Variants in COPB2 observed in about 807,000 individuals in gnomAD.
COPB2 encodes the protein coatomer subunit beta'.
A neutral mutation model predicts 120.8 loss-of-function variants in COPB2; 16 were observed. That is an observed-to-expected ratio of 0.13 (90% CI 0.09 to 0.20). The LOEUF (loss-of-function observed/expected upper bound fraction) is 0.20, where lower values mean the gene tolerates loss of function less well. COPB2 is among the 10% of genes least tolerant of loss of function. The pLI, the probability that COPB2 is intolerant of heterozygous loss-of-function variation, is 1.00. For missense variants in COPB2, 794 were observed against 1,076.5 expected, an observed-to-expected ratio of 0.74 and a Z score of 3.67; for synonymous variants, 332 against 366.3, an observed-to-expected ratio of 0.91 and a Z score of 1.07.
chr3:139,375,380 G>A (rs970268192), intron 6 of COPB2, 88 bp downstream of exon 6: 1 of 1,372,820 alleles, frequency 7.3e-7, no homozygotes, highest in Non-Finnish European at 9.8e-7. Flanking sequence ...GCTGTGAACA[G>A]TTTTCAACAA....
At chr3:139,383,779 T>C (rs1011455546) in intron 1 of COPB2, among the ~76,000 whole-genome samples, 2 of 147,516 alleles carry the variant, frequency 1.4e-5, no homozygotes, top group Non-Finnish European at 1.5e-5. Flanking sequence ...AACTTTAAAA[T>C]ATTTATATAT....
chr3:139,371,308 A>C (rs1170092004), intron 10 of COPB2, among the ~76,000 whole-genome samples: 2 of 152,236 alleles, frequency 1.3e-5, no homozygotes, highest in African/African-American at 4.8e-5. Context: ...AAAATGATCA[A>C]ACCACAACAT....
At chr3:139,388,571 C>G (rs1560023983) in intron 1 of COPB2, among the ~76,000 whole-genome samples, 1 of 150,712 alleles carries the variant, frequency 6.6e-6, no homozygotes, top group Non-Finnish European at 1.5e-5. Flanking sequence ...AGATGAGGGA[C>G]TTAATCCCTA....
intron 10 of COPB2, among the ~76,000 whole-genome samples, chr3:139,371,084 A>T (rs1010357312): frequency 3.9e-5 from 6 of 152,236 alleles, no homozygotes; most frequent in African/African-American, 1.4e-4. Flanking sequence ...GTCTGAAAAC[A>T]CTAAACCCCT....
At chr3:139,370,571 A>G (rs1941605917) in intron 10 of COPB2, among the ~76,000 whole-genome samples, 1 of 152,016 alleles carries the variant, frequency 6.6e-6, no homozygotes, top group African/African-American at 2.4e-5. Flanking sequence ...GGCGATTTAA[A>G]TAATAAAAAC....
At chr3:139,366,895 A>G in intron 14 of COPB2, 120 bp from the exon 15 acceptor site, 2 of 1,475,006 alleles carry the variant, frequency 1.4e-6, no homozygotes, top group Admixed American at 1.9e-5. Context: ...CTGGTTAACA[A>G]TAGGCAACCT....
rs6770021 is a variant in COPB2 at position 139,386,164 on chromosome 3, A to C, written c.4-2729T>G. On this transcript the variant is annotated intron_variant, in intron 1 of 21. Transcript: ENST00000333188. ...TTTTCAGCAACAACCTTTACCTCTT[A>C]CTTTAAAAGATCAGAGTTCTCTGGC... 3.3e-3 allele frequency among the ~76,000 whole-genome samples: 497 copies of C among 152,048 alleles called. 3 individuals are homozygous for C. Among genetic ancestry groups the C allele is most frequent in the African/African-American group, 0.012 (482 of 41,482 alleles).
At position 139,373,807 on chromosome 3, in the gene COPB2, T is replaced by C. The variant is rs1941667317; in HGVS notation, c.753A>G (p.Gly251=). The C allele has an allele frequency of 6.2e-7, 1 of 1,613,776 alleles. No individual in the cohort carries two copies. The highest frequency in any genetic ancestry group is 1.3e-5 in the African/African-American group (1 of 74,886). Residue 251 remains glycine (G), a splice_region_variant and synonymous_variant, in exon 8 of 22, where the codon GGA becomes GGG. Coordinates refer to ENST00000333188, the MANE Select transcript of COPB2 (RefSeq NM_004766.3). ...TGCTTGAATGCCAAATACGTACTGT[T>C]CCTAAAAAGAACAATGTAAATACTC... ...LPIIITGSED[G]TVRIWHSSTY...
Position 139,367,006 on chromosome 3 carries a change from C to G in COPB2, c.1676+9G>C. On this transcript the variant is annotated intron_variant, in intron 14 of 21. Transcript: ENST00000333188. ...AATTTAGGACAAATGCAAAATGATACTCAGGTACCTGTCCAAGTGGGCAAT... is the reference window on the plus strand; with the variant it reads ...AATTTAGGACAAATGCAAAATGATAGTCAGGTACCTGTCCAAGTGGGCAAT... 6.2e-7 allele frequency: 1 copy of G among 1,602,970 alleles called. No homozygotes were observed. Among genetic ancestry groups the G allele is most frequent in the Non-Finnish European group, 8.5e-7 (1 of 1,176,218 alleles).
At chr3:139,371,133 ACCAGAG>A (rs1301974888) in intron 10 of COPB2, among the ~76,000 whole-genome samples, 6 of 152,310 alleles carry the variant, frequency 3.9e-5, no homozygotes, top group Non-Finnish European at 8.8e-5. Context: ...TCAAAAAGGA[ACCAGAG>A]CCAATGACTA....
At chr3:139,388,211 C>G (rs901042251) in intron 1 of COPB2, 1 of 152,100 alleles carries the variant, frequency 6.6e-6, no homozygotes, top group African/African-American at 2.4e-5. Flanking sequence ...ACGAAGTGCT[C>G]TAATTAAGAG....
At chr3:139,374,290 AATGATGACGATG>A (rs1415019936) in intron 7 of COPB2, 187 bp downstream of exon 7, 2 of 529,688 alleles carry the variant, frequency 3.8e-6, no homozygotes, top group Non-Finnish European at 6.7e-6. Flanking sequence ...AATACATGAG[AATGATGACGATG>A]ATGATGATGA....
intron 1 of COPB2, chr3:139,385,169 C>G (rs1171475109): frequency 6.5e-6 from 1 of 152,726 alleles, no homozygotes; most frequent in African/African-American, 2.4e-5. Flanking sequence ...TCCCAAGTAG[C>G]TGGGACTACA....
chr3:139,358,905 T>C (rs1385499885), intron 19 of COPB2, 93 bp from the exon 20 acceptor site: 2 of 1,567,370 alleles, frequency 1.3e-6, no homozygotes, highest in Non-Finnish European at 1.8e-6. Flanking sequence ...AGCTCTTAAT[T>C]TTAAAAGAAG....
At position 139,359,198 on chromosome 3, in the gene COPB2, A is replaced by G. The variant is rs1313999002; in HGVS notation, c.2304-20T>C. 6.2e-6 allele frequency: 10 copies of G among 1,612,074 alleles called. No homozygotes were observed. The highest frequency in any genetic ancestry group is 1.7e-5 in the Admixed American group (1 of 59,728). ...ACTACCCTATTATAGACATCATGGAACCAAAGAGAGACTAAGTAAATGTGC... is the reference window on the plus strand; with the variant it reads ...ACTACCCTATTATAGACATCATGGAGCCAAAGAGAGACTAAGTAAATGTGC... On this transcript the variant is annotated intron_variant, in intron 18 of 21. Coordinates refer to ENST00000333188, the MANE Select transcript of COPB2 (RefSeq NM_004766.3).
At chr3:139,386,925 G>A (rs933789593) in intron 1 of COPB2, among the ~76,000 whole-genome samples, 4 of 151,882 alleles carry the variant, frequency 2.6e-5, no homozygotes, top group Admixed American at 1.3e-4. Flanking sequence ...GCAGCCAGGC[G>A]TGGTGACTCA....
At chr3:139,380,830 C>G (rs17395262) in intron 2 of COPB2, 57,856 of 152,050 alleles carry the variant, frequency 0.38, 13,761 homozygotes, top group Non-Finnish European at 0.53. Flanking sequence ...AGAGTAGACA[C>G]AACATGCGAT....
intron 20 of COPB2, 80 bp from the exon 21 acceptor site, chr3:139,358,351 A>G: frequency 7.8e-7 from 1 of 1,279,692 alleles, no homozygotes; most frequent in Non-Finnish European, 1.1e-6. Flanking sequence ...GAAAAGGATG[A>G]TCAGAATTAG....
At chr3:139,383,052 A>C (rs1161064369) in intron 2 of COPB2, 2 of 472,390 alleles carry the variant, frequency 4.2e-6, no homozygotes, top group East Asian at 3.7e-5. Flanking sequence ...ATTTCAAAAA[A>C]GAGCTAATAC....
Sources: allele counts gnomAD v4.1 joint callset (sites outside exome capture counted in the v4.1 genomes callset), GRCh38; gene constraint gnomAD v4.1.1; transcripts MANE v1.5; gene names NCBI Gene and HGNC (gene_info 2026-07-23, HGNC 2026-07-21).